The following FSTL5 variants were observed in gnomAD, a reference collection of about 807,000 sequenced individuals.
The protein encoded by FSTL5 is follistatin-related protein 5.
A neutral mutation model predicts 89.1 loss-of-function variants in FSTL5; 62 were observed. The ratio of observed to expected loss-of-function variants is 0.70; its 90% confidence interval spans 0.57 to 0.86. FSTL5 has a LOEUF of 0.86. Ranked by LOEUF, FSTL5 falls within the 40% of genes least tolerant of loss-of-function variation. The pLI is 0.00. For synonymous variants in FSTL5, 383 were observed against 346.2 expected (o/e 1.11, Z -1.18); for missense variants, 1,057 against 1,001.6 (o/e 1.06, Z -0.75).
chr4:161,945,919 A>C (rs1052231993), intron 3 of FSTL5, among the ~76,000 whole-genome samples: 18 of 152,166 alleles, frequency 1.2e-4, no homozygotes, highest in African/African-American at 4.3e-4. Context: ...TGCACAAATA[A>C]AAAATGAGAA....
chr4:161,842,672 G>A (rs1731248918), intron 4 of FSTL5, among the ~76,000 whole-genome samples: 1 of 151,956 alleles, frequency 6.6e-6, no homozygotes, highest in South Asian at 2.1e-4. Context: ...GAAACAATAT[G>A]CAATCTGCTT....
chr4:161,736,901 C>T (rs1309507721), intron 6 of FSTL5, among the ~76,000 whole-genome samples: 1 of 151,980 alleles, frequency 6.6e-6, no homozygotes, highest in Non-Finnish European at 1.5e-5. Flanking sequence ...ATATCTGTAC[C>T]TCAAATTAGT....
intron 4 of FSTL5, among the ~76,000 whole-genome samples, chr4:161,912,741 A>C (rs946110999): frequency 6.6e-6 from 1 of 152,178 alleles, no homozygotes; most frequent in Non-Finnish European, 1.5e-5. Flanking sequence ...GGTAAGAGGC[A>C]GAGGTTGGAA....
At chr4:161,571,608 C>T (rs538391105) in intron 8 of FSTL5, among the ~76,000 whole-genome samples, 43 of 152,134 alleles carry the variant, frequency 2.8e-4, no homozygotes, top group African/African-American at 1.0e-3. Flanking sequence ...GATTGAGAAC[C>T]TTTATAAATA....
chr4:161,573,672 G>T (rs1220619376), intron 8 of FSTL5, among the ~76,000 whole-genome samples: 1 of 136,994 alleles, frequency 7.3e-6, no homozygotes, highest in African/African-American at 2.7e-5. Context: ...GGAGGAGGTT[G>T]TGGTGAGCCG....
intron 10 of FSTL5, among the ~76,000 whole-genome samples, chr4:161,521,051 C>T (rs766909546): frequency 6.6e-6 from 1 of 152,090 alleles, no homozygotes; most frequent in Admixed American, 6.5e-5. Flanking sequence ...CATTAATATC[C>T]TTGCTTTACT....
At chr4:161,466,732 A>T (rs2126424922) in intron 13 of FSTL5, among the ~76,000 whole-genome samples, 1 of 152,260 alleles carries the variant, frequency 6.6e-6, no homozygotes, top group South Asian at 2.1e-4. Flanking sequence ...TAATTGAAAC[A>T]ATTTGACATT....
intron 6 of FSTL5, among the ~76,000 whole-genome samples, chr4:161,703,905 TA>T (rs1310560042): frequency 1.3e-5 from 2 of 152,140 alleles, no homozygotes; most frequent in Non-Finnish European, 2.9e-5. Flanking sequence ...AAAACACAAA[TA>T]AAGTTTCATA....
chr4:162,080,977 A>T (rs769596698), intron 2 of FSTL5, among the ~76,000 whole-genome samples: 1 of 151,706 alleles, frequency 6.6e-6, no homozygotes, highest in Non-Finnish European at 1.5e-5. Flanking sequence ...TATGCAAATT[A>T]TTCTCTAAGG....
intron 8 of FSTL5, among the ~76,000 whole-genome samples, chr4:161,575,463 T>C (rs1225904366): frequency 6.6e-6 from 1 of 151,866 alleles, no homozygotes; most frequent in Non-Finnish European, 1.5e-5. Flanking sequence ...TTTTTTTTCT[T>C]TTTTTTTGTG....
At chr4:161,771,076 A>G (rs1248003301) in intron 5 of FSTL5, among the ~76,000 whole-genome samples, 1 of 152,080 alleles carries the variant, frequency 6.6e-6, no homozygotes, top group East Asian at 1.9e-4. Flanking sequence ...TATTATAAAA[A>G]TCAATGCTAA....
intron 1 of FSTL5, among the ~76,000 whole-genome samples, chr4:162,134,463 A>G (rs551339804): frequency 6.6e-6 from 1 of 152,342 alleles, no homozygotes; most frequent in East Asian, 1.9e-4. Flanking sequence ...GACATGGTAG[A>G]CCACCTGAGA....
intron 3 of FSTL5, among the ~76,000 whole-genome samples, chr4:162,019,287 A>G (rs1357121077): frequency 6.6e-6 from 1 of 152,110 alleles, no homozygotes; most frequent in Non-Finnish European, 1.5e-5. Context: ...CATATGATCT[A>G]GATACCAACT....
intron 14 of FSTL5, among the ~76,000 whole-genome samples, chr4:161,456,435 T>C (rs1240843927): frequency 6.6e-6 from 1 of 152,160 alleles, no homozygotes; most frequent in Non-Finnish European, 1.5e-5. Context: ...CTTTCGTATT[T>C]GACGAAGACG....
intron 8 of FSTL5, among the ~76,000 whole-genome samples, chr4:161,556,589 C>A (rs1297738461): frequency 6.6e-6 from 1 of 151,322 alleles, no homozygotes; most frequent in Non-Finnish European, 1.5e-5. Flanking sequence ...AAGAATAAGA[C>A]AACACTTTAA....
intron 2 of FSTL5, among the ~76,000 whole-genome samples, chr4:162,098,390 C>A (rs184774394): frequency 1.2e-4 from 19 of 152,070 alleles, no homozygotes; most frequent in African/African-American, 4.1e-4. Flanking sequence ...TATCTTCATG[C>A]ATCTATATAT....
At chr4:161,872,148 T>TA (rs1560892309) in intron 4 of FSTL5, among the ~76,000 whole-genome samples, 6 of 135,786 alleles carry the variant, frequency 4.4e-5, no homozygotes, top group African/African-American at 7.9e-5. Flanking sequence ...TTGGTTTTTT[T>TA]TTTTTTTTTT....
At chr4:161,834,093 G>A (rs1272321296) in intron 4 of FSTL5, among the ~76,000 whole-genome samples, 1 of 152,096 alleles carries the variant, frequency 6.6e-6, no homozygotes, top group Non-Finnish European at 1.5e-5. Flanking sequence ...ACATCAAAAA[G>A]CTTATCCACC....
intron 4 of FSTL5, among the ~76,000 whole-genome samples, chr4:161,919,286 C>T (rs1733925252): frequency 6.6e-6 from 1 of 152,152 alleles, no homozygotes; most frequent in African/African-American, 2.4e-5. Context: ...GCACACAGTA[C>T]ACTATGGTAA....
Sources: gnomAD v4.1 joint callset for allele counts (sites outside exome capture counted in the v4.1 genomes callset) on GRCh38, gnomAD v4.1.1 for gene constraint, MANE v1.5 for transcripts, NCBI Gene and HGNC (gene_info 2026-07-23, HGNC 2026-07-21) for gene names.